CHL1: variants seen among roughly 807,000 people sequenced by gnomAD.
The protein encoded by CHL1 is cell adhesion molecule L1 like.
In CHL1, 96 loss-of-function variants were observed where a neutral mutation model predicts 141.9. The observed-to-expected ratio is 0.68, with a 90% CI of 0.57 to 0.80. The LOEUF (loss-of-function observed/expected upper bound fraction) is 0.80, where lower values mean the gene tolerates loss of function less well. Among genes scored for constraint, CHL1 ranks in the 30% least tolerant of loss-of-function variants. CHL1 has a pLI of 0.00. For synonymous variants in CHL1, 613 were observed against 502.2 expected, an observed-to-expected ratio of 1.22 and a Z score of -2.95; for missense variants, 1,820 against 1,457.2, an observed-to-expected ratio of 1.25 and a Z score of -4.05.
At chr3:197,872 CTTT>C (rs58240971) in intron 1 of CHL1, 537 of 357,704 alleles carry the variant, frequency 1.5e-3, no homozygotes, top group Non-Finnish European at 1.8e-3. Flanking sequence ...CTTTCTCTCG[CTTT>C]TTTTTTTTTT....
chr3:356,609 A>C lies in CHL1; in HGVS notation c.1165+1838A>C, dbSNP rs1703738610. ...TTCAGGACCCAGAGTTGCAATCTTA[A>C]GATCATAATAGTAAGACCCCTGTGG... is the stretch of plus-strand genomic sequence containing the variant. On this transcript the variant is annotated intron_variant, in intron 11 of 27. Coordinates refer to ENST00000256509, the MANE Select transcript of CHL1 (RefSeq NM_006614.4). Among the ~76,000 whole-genome samples the C allele has an allele frequency of 2.6e-5, 4 of 152,204 alleles. No homozygotes were observed. In the South Asian group the frequency reaches 8.3e-4, roughly 31 times the overall value.
At chr3:305,810 C>A (rs759111919) in intron 2 of CHL1, among the ~76,000 whole-genome samples, 37 of 151,764 alleles carry the variant, frequency 2.4e-4, no homozygotes, top group South Asian at 1.0e-3. Flanking sequence ...TTACTGAATA[C>A]GTTCCTTTGC....
chr3:347,680 C>G (rs1702881233), intron 9 of CHL1, among the ~76,000 whole-genome samples: 1 of 152,146 alleles, frequency 6.6e-6, no homozygotes, highest in Non-Finnish European at 1.5e-5. Context: ...CAGCCTATAA[C>G]TTGGCAAATT....
In CHL1 at chr3:284,923, T is replaced by G. The variant is rs17019570; in HGVS notation, c.-94-34760T>G. 4.2e-3 allele frequency among the ~76,000 whole-genome samples: 634 copies of G among 152,338 alleles called. 9 individuals carry two copies. The highest frequency in any genetic ancestry group is 0.015 in the African/African-American group (605 of 41,576). On this transcript the variant is annotated intron_variant, in intron 2 of 27. Transcript: ENST00000256509. ...GTACAAAATTCTGCAGAATCTATTA[T>G]ATCGTTGTTTGACGAATCAAATAAT...
intron 9 of CHL1, among the ~76,000 whole-genome samples, chr3:346,843 T>C (rs753926860): frequency 8.8e-4 from 134 of 152,292 alleles, no homozygotes; most frequent in Non-Finnish European, 1.1e-3. Context: ...ACAAAAATAA[T>C]TATAATTAAA....
At chr3:312,906 C>A (rs1322583126) in intron 2 of CHL1, among the ~76,000 whole-genome samples, 1 of 152,130 alleles carries the variant, frequency 6.6e-6, no homozygotes, top group Non-Finnish European at 1.5e-5. Context: ...TCTCTTCCTG[C>A]TGGCTATAAT....
In CHL1 at chr3:367,327, G is replaced by A. The variant is rs140019159; in HGVS notation, c.1751+1212G>A. ...AAAATGTTTAGATAGGACATGTGCT[G>A]CTTGCATGAGACAGCAACACTGCCA... On this transcript the variant is annotated intron_variant, in intron 15 of 27. Transcript: ENST00000256509. Among the ~76,000 whole-genome samples the A allele has an allele frequency of 5.8e-3, 883 of 152,312 alleles. 4 individuals carry two copies. The highest frequency in any genetic ancestry group is 0.012 in the South Asian group (60 of 4,834).
intron 2 of CHL1, among the ~76,000 whole-genome samples, chr3:293,335 C>T (rs993210548): frequency 6.6e-6 from 1 of 152,004 alleles, no homozygotes; most frequent in Non-Finnish European, 1.5e-5. Context: ...AAACTTGTCT[C>T]TACTAAAAAT....
chr3:333,635 C>T (rs999406622), intron 5 of CHL1, among the ~76,000 whole-genome samples: 1 of 152,130 alleles, frequency 6.6e-6, no homozygotes, highest in Admixed American at 6.5e-5. Context: ...CAACAATCTT[C>T]CTGAAACTCC....
intron 16 of CHL1, among the ~76,000 whole-genome samples, chr3:380,411 T>G (rs1706889936): frequency 6.6e-6 from 1 of 152,222 alleles, no homozygotes; most frequent in Non-Finnish European, 1.5e-5. Flanking sequence ...ATATCTTCCT[T>G]TTCTCTTCTG....
chr3:241,243 T>G (rs551503625), intron 1 of CHL1, among the ~76,000 whole-genome samples: 2 of 152,192 alleles, frequency 1.3e-5, no homozygotes, highest in East Asian at 3.9e-4. Context: ...TAGAAAGGAG[T>G]CATGTCATAA....
chr3:277,195 A>AT (rs200242498), intron 2 of CHL1, among the ~76,000 whole-genome samples: 5 of 152,064 alleles, frequency 3.3e-5, no homozygotes, highest in South Asian at 2.1e-4. Context: ...ATGCTTATAG[A>AT]TTTTTTTTAA....
At chr3:201,682 A>G (rs1698956246) in intron 1 of CHL1, among the ~76,000 whole-genome samples, 1 of 152,208 alleles carries the variant, frequency 6.6e-6, no homozygotes, top group African/African-American at 2.4e-5. Context: ...GCAGATGATG[A>G]TAAGAATGAT....
intron 9 of CHL1, among the ~76,000 whole-genome samples, chr3:348,430 A>G (rs1408183455): frequency 6.6e-6 from 1 of 152,202 alleles, no homozygotes; most frequent in African/African-American, 2.4e-5. Flanking sequence ...TGGGGAAGAG[A>G]AAGAGACAGT....
intron 7 of CHL1, among the ~76,000 whole-genome samples, chr3:342,306 A>G (rs1249667101): frequency 6.6e-6 from 1 of 152,182 alleles, no homozygotes; most frequent in Non-Finnish European, 1.5e-5. Context: ...GGACAAATGT[A>G]TTTCATCTGA....
intron 2 of CHL1, among the ~76,000 whole-genome samples, chr3:258,933 T>G: frequency 7.2e-6 from 1 of 138,200 alleles, no homozygotes; most frequent in African/African-American, 2.8e-5. Flanking sequence ...TATGGCAACA[T>G]CTTTTTTTTT....
rs187991035 is a variant in CHL1 at position 392,824 on chromosome 3, G to A, written c.2914+1027G>A. On this transcript the variant is annotated intron_variant, in intron 23 of 27. Transcript: ENST00000256509. Reference sequence around the variant, plus strand: ...ACATACAGGCATAATCCCAACGGAAGTAGACTTTAGCACTTTTACGTGCTT... The same window carrying A: ...ACATACAGGCATAATCCCAACGGAAATAGACTTTAGCACTTTTACGTGCTT... Among the ~76,000 whole-genome samples the A allele has an allele frequency of 5.9e-5, 9 of 152,344 alleles. No individual in the cohort carries two copies. The East Asian group carries it at 1.7e-3, about 29-fold the overall frequency.
At chr3:375,556 G>A (rs1054736733) in intron 15 of CHL1, among the ~76,000 whole-genome samples, 4 of 151,710 alleles carry the variant, frequency 2.6e-5, no homozygotes, top group African/African-American at 9.7e-5. Flanking sequence ...ATTTGTTCAA[G>A]CAGAGAGGCA....
At chr3:248,064 C>T (rs1173285870) in intron 2 of CHL1, 1 of 152,082 alleles carries the variant, frequency 6.6e-6, no homozygotes, top group African/African-American at 2.4e-5. Context: ...TGGGGACATT[C>T]AGAAGCCTCA....
Sources: gnomAD v4.1 joint callset for allele counts (sites outside exome capture counted in the v4.1 genomes callset) on GRCh38, gnomAD v4.1.1 for gene constraint, MANE v1.5 for transcripts, NCBI Gene and HGNC (gene_info 2026-07-23, HGNC 2026-07-21) for gene names.